SFMBT2: variants seen among roughly 807,000 people sequenced by gnomAD.
SFMBT2 encodes scm-like with four MBT domains protein 2.
SFMBT2 carries 38 observed loss-of-function variants against 110.1 expected under a neutral mutation model. That is an observed-to-expected ratio of 0.35 (90% CI 0.27 to 0.45). The LOEUF (loss-of-function observed/expected upper bound fraction) is 0.45. SFMBT2 is among the 20% of genes least tolerant of loss of function. The pLI, the probability that SFMBT2 is intolerant of heterozygous loss-of-function variation, is 1.00. For synonymous variants in SFMBT2, 425 were observed against 425.4 expected (o/e 1.00, Z 0.01); for missense variants, 1,011 against 1,094.9 (o/e 0.92, Z 1.08).
At chr10:7,275,117 G>A (rs1325319007) in intron 7 of SFMBT2, among the ~76,000 whole-genome samples, 1 of 152,206 alleles carries the variant, frequency 6.6e-6, no homozygotes, top group African/African-American at 2.4e-5. Flanking sequence ...GAGGCCCCGG[G>A]TGCCCTGGTC....
chr10:7,410,413 G>T (rs1461526594), intron 1 of SFMBT2, among the ~76,000 whole-genome samples: 1 of 152,246 alleles, frequency 6.6e-6, no homozygotes, highest in Non-Finnish European at 1.5e-5. Context: ...CGCGGGGTAG[G>T]TAGCAGCGGC....
intron 11 of SFMBT2, chr10:7,206,261 A>G (rs1018270875): frequency 1.8e-5 from 18 of 985,432 alleles, no homozygotes; most frequent in Non-Finnish European, 2.2e-5. Flanking sequence ...ATTGGCTGAA[A>G]GAGAGAACAA....
At chr10:7,183,740 A>C (rs1838312121) in intron 16 of SFMBT2, among the ~76,000 whole-genome samples, 2 of 152,228 alleles carry the variant, frequency 1.3e-5, no homozygotes, top group Non-Finnish European at 2.9e-5. Flanking sequence ...ACATTAGCAC[A>C]AACTTTCTTA....
chr10:7,337,474 T>C (rs960787432), intron 4 of SFMBT2, among the ~76,000 whole-genome samples: 2 of 152,180 alleles, frequency 1.3e-5, no homozygotes, highest in African/African-American at 4.8e-5. Context: ...TCCTTGGTCT[T>C]GTCATGGTAA....
At chr10:7,342,720 A>G (rs1428701702) in intron 4 of SFMBT2, among the ~76,000 whole-genome samples, 4 of 152,120 alleles carry the variant, frequency 2.6e-5, no homozygotes, top group South Asian at 2.1e-4. Context: ...TCAATCACCA[A>G]AGGAAGTTTA....
chr10:7,199,290 A>G (rs990866150), intron 14 of SFMBT2, among the ~76,000 whole-genome samples: 10 of 152,162 alleles, frequency 6.6e-5, no homozygotes, highest in African/African-American at 9.7e-5. Flanking sequence ...AAAGTTTCTT[A>G]ATGTCTATAA....
chr10:7,378,031 G>C (rs1404302864), intron 2 of SFMBT2, among the ~76,000 whole-genome samples: 1 of 151,560 alleles, frequency 6.6e-6, no homozygotes, highest in Non-Finnish European at 1.5e-5. Flanking sequence ...GTGGGAGTGT[G>C]TGTGTGGATG....
At chr10:7,220,390 C>A (rs1488156298) in intron 11 of SFMBT2, 21 bp downstream of exon 11, 1 of 1,609,978 alleles carries the variant, frequency 6.2e-7, no homozygotes, top group Non-Finnish European at 8.5e-7. Flanking sequence ...CCAGCGACTG[C>A]TACCCCCAGC....
At chr10:7,178,304 C>CA (rs1344171446) in intron 16 of SFMBT2, among the ~76,000 whole-genome samples, 3 of 152,210 alleles carry the variant, frequency 2.0e-5, no homozygotes, top group East Asian at 3.9e-4. Context: ...TTAGAGGAAA[C>CA]ACCAATCTAG....
chr10:7,164,976 C>T (rs1837659517), intron 20 of SFMBT2, among the ~76,000 whole-genome samples: 3 of 152,192 alleles, frequency 2.0e-5, no homozygotes, highest in Admixed American at 6.5e-5. Flanking sequence ...CTCTAAGACC[C>T]TTCCACTGGA....
rs552122935 is a variant in SFMBT2, at chr10:7,293,931, G to A, written c.437-7977C>T. Among the ~76,000 whole-genome samples the A allele has an allele frequency of 3.9e-5, 6 of 152,284 alleles. No homozygotes were observed. Among genetic ancestry groups the A allele is most frequent in the Non-Finnish European group, 5.9e-5 (4 of 68,020 alleles). Reference sequence around the variant, plus strand: ...GAACAATTTCCATCTCATCAGTTACGCTGATGTGTATCAGTGATGTATATC... The same window carrying A: ...GAACAATTTCCATCTCATCAGTTACACTGATGTGTATCAGTGATGTATATC... On this transcript the variant is annotated intron_variant, in intron 4 of 20. Transcript: ENST00000397167. This position sits in a 1 kb window ranked among gnomAD's most constrained non-coding sequence, Gnocchi z 4.6.
intron 4 of SFMBT2, among the ~76,000 whole-genome samples, chr10:7,357,703 T>C (rs1257836514): frequency 6.6e-6 from 1 of 152,212 alleles, no homozygotes; most frequent in Non-Finnish European, 1.5e-5. Flanking sequence ...TTGGGAACCA[T>C]CTAAGTTCCC....
chr10:7,354,955 T>C (rs767071803), intron 4 of SFMBT2, among the ~76,000 whole-genome samples: 2 of 152,242 alleles, frequency 1.3e-5, no homozygotes, highest in Non-Finnish European at 2.9e-5. Flanking sequence ...ACGTAAGTCA[T>C]AAATGATTTT....
At chr10:7,278,862 G>A (rs1457248542) in intron 6 of SFMBT2, among the ~76,000 whole-genome samples, 1 of 152,088 alleles carries the variant, frequency 6.6e-6, no homozygotes, top group East Asian at 1.9e-4. Context: ...TGGATCACTT[G>A]AGGTCAGGAG....
intron 17 of SFMBT2, among the ~76,000 whole-genome samples, chr10:7,174,028 C>A (rs529248460): frequency 6.6e-6 from 1 of 152,304 alleles, no homozygotes; most frequent in South Asian, 2.1e-4. Context: ...TCCTCCCCTG[C>A]GTTTGATCAC....
chr10:7,373,236 T>C (rs1023557735), intron 2 of SFMBT2, among the ~76,000 whole-genome samples: 10 of 152,104 alleles, frequency 6.6e-5, no homozygotes, highest in Admixed American at 2.0e-4. Context: ...GCTTCCTCTT[T>C]CCATGTGATC....
At chr10:7,375,104 G>A (rs1001004079) in intron 2 of SFMBT2, among the ~76,000 whole-genome samples, 4 of 152,186 alleles carry the variant, frequency 2.6e-5, no homozygotes, top group African/African-American at 7.2e-5. Context: ...GAAAAGCTAC[G>A]AAGAAAATTT....
intron 12 of SFMBT2, chr10:7,204,271 G>A (rs61835081): frequency 1.1e-6 from 1 of 896,556 alleles, no homozygotes; most frequent in African/African-American, 1.8e-5. Flanking sequence ...GAGGAGCCCT[G>A]AAACTCTGTC....
intron 20 of SFMBT2, among the ~76,000 whole-genome samples, chr10:7,167,986 T>C (rs1262027745): frequency 6.6e-6 from 1 of 151,900 alleles, no homozygotes; most frequent in Non-Finnish European, 1.5e-5. Flanking sequence ...GAGAATCGCT[T>C]GAACCCGGGA....
Sources: allele counts gnomAD v4.1 joint callset (sites outside exome capture counted in the v4.1 genomes callset), GRCh38; gene constraint gnomAD v4.1.1; non-coding constraint Gnocchi (gnomAD v3.1); transcripts MANE v1.5; gene names NCBI Gene and HGNC (gene_info 2026-07-23, HGNC 2026-07-21).